Variants in PTPRD observed in about 807,000 individuals in gnomAD.
The protein encoded by PTPRD is protein tyrosine phosphatase receptor type D, also known as receptor-type tyrosine-protein phosphatase delta.
PTPRD carries 34 observed loss-of-function variants against 214.5 expected under a neutral mutation model. That is an observed-to-expected ratio of 0.16 (90% CI 0.12 to 0.21). PTPRD has a LOEUF of 0.21. Ranked by LOEUF, PTPRD falls within the 10% of genes least tolerant of loss-of-function variation. The pLI is 1.00. For missense variants in PTPRD, 2,545 were observed against 2,398.7 expected (o/e 1.06, Z -1.27); for synonymous variants, 1,128 against 845.7 (o/e 1.33, Z -5.79).
intron 4 of PTPRD, among the ~76,000 whole-genome samples, chr9:9,973,301 C>CCAA (rs887807297): frequency 2.4e-3 from 178 of 74,208 alleles, no homozygotes; most frequent in African/African-American, 6.4e-3. Context: ...CCTTGTCTTT[C>CCAA]AAAAAAAAAA....
intron 2 of PTPRD, among the ~76,000 whole-genome samples, chr9:10,548,790 T>C (rs985258417): frequency 1.3e-5 from 2 of 152,152 alleles, no homozygotes; most frequent in Non-Finnish European, 2.9e-5. Flanking sequence ...GAACTGCCAA[T>C]GTCACAGACA....
At chr9:8,953,259 C>T in intron 11 of PTPRD, among the ~76,000 whole-genome samples, 1 of 151,634 alleles carries the variant, frequency 6.6e-6, no homozygotes, top group Non-Finnish European at 1.5e-5. Flanking sequence ...ATGAGAAATG[C>T]CCAGATAGAT....
rs142015091 is a variant in PTPRD at position 10,530,738 on chromosome 9, T to C, written c.-600+81660A>G. On this transcript the variant is annotated intron_variant, in intron 2 of 45. Coordinates refer to ENST00000381196, the MANE Select transcript of PTPRD (RefSeq NM_002839.4). ...GAAATCTGACAATCAAAATAAATAATGATGACAGTGAACTATAATGTATTG... is the reference window on the plus strand; with the variant it reads ...GAAATCTGACAATCAAAATAAATAACGATGACAGTGAACTATAATGTATTG... Among the ~76,000 whole-genome samples, 281 of 152,208 alleles carry C rather than the reference T, an allele frequency of 1.8e-3. 1 individual carries two copies. Among genetic ancestry groups the C allele is most frequent in the African/African-American group, 6.4e-3 (266 of 41,558 alleles).
chr9:9,157,150 A>G (rs1569555805), intron 10 of PTPRD, among the ~76,000 whole-genome samples: 1 of 152,230 alleles, frequency 6.6e-6, no homozygotes, highest in East Asian at 1.9e-4. Flanking sequence ...ACAGAAATTT[A>G]TAGCAATAAA....
chr9:10,425,025 A>G (rs1374808947), intron 2 of PTPRD, among the ~76,000 whole-genome samples: 1 of 152,054 alleles, frequency 6.6e-6, no homozygotes, highest in Non-Finnish European at 1.5e-5. Flanking sequence ...TAATGAAAAT[A>G]GAGTACCTAT....
chr9:8,517,986 G>C lies in PTPRD; in HGVS notation c.1405C>G (p.His469Asp). The C allele has an allele frequency of 6.2e-7, 1 of 1,614,186 alleles. No individual in the cohort carries two copies. The highest frequency in any genetic ancestry group is 8.5e-7 in the Non-Finnish European group (1 of 1,180,010). The change falls in exon 21 of 46, where the codon CAC (histidine) becomes GAC (aspartate). Residue 469 changes from histidine (H) to aspartate (D), a missense_variant. Transcript: ENST00000381196. Reference sequence around the variant, plus strand: ...GTGATTTGGCTGTCAGCTACATTGTGTTTCATCCAGTTGTTGACATGTTGA... The same window carrying C: ...GTGATTTGGCTGTCAGCTACATTGTCTTTCATCCAGTTGTTGACATGTTGA... ...PTQHVNNWMK[H>D]NVADSQITTI... is the part of the protein sequence containing the mutation.
chr9:9,943,797 C>A (rs2092078676), intron 4 of PTPRD, among the ~76,000 whole-genome samples: 1 of 152,086 alleles, frequency 6.6e-6, no homozygotes, highest in Non-Finnish European at 1.5e-5. Context: ...CAGTAGACAA[C>A]TGAAAAATCC....
intron 7 of PTPRD, among the ~76,000 whole-genome samples, chr9:9,608,462 A>G (rs2094321906): frequency 6.6e-6 from 1 of 152,164 alleles, no homozygotes; most frequent in African/African-American, 2.4e-5. Context: ...CAGGTAAAAC[A>G]TTATTTCTCT....
At chr9:8,882,185 G>C (rs1017051403) in intron 11 of PTPRD, among the ~76,000 whole-genome samples, 1 of 152,090 alleles carries the variant, frequency 6.6e-6, no homozygotes, top group African/African-American at 2.4e-5. Flanking sequence ...AAGAAATACT[G>C]TCGACTCATT....
chr9:9,832,493 T>C (rs1449983535), intron 5 of PTPRD, among the ~76,000 whole-genome samples: 2 of 151,996 alleles, frequency 1.3e-5, no homozygotes, highest in Non-Finnish European at 2.9e-5. Context: ...TTCAGGTACA[T>C]AGCATGCCTA....
chr9:10,296,790 A>C (rs1248491651), intron 3 of PTPRD, among the ~76,000 whole-genome samples: 1 of 152,066 alleles, frequency 6.6e-6, no homozygotes, highest in Non-Finnish European at 1.5e-5. Flanking sequence ...CATGGTTTTC[A>C]CTGTCATTGC....
chr9:10,538,541 G>C (rs568534030), intron 2 of PTPRD, among the ~76,000 whole-genome samples: 2 of 152,120 alleles, frequency 1.3e-5, no homozygotes, highest in East Asian at 3.9e-4. Context: ...TCTTTATGAT[G>C]ATTCCCATGC....
intron 3 of PTPRD, among the ~76,000 whole-genome samples, chr9:10,283,185 T>G (rs993685785): frequency 6.6e-6 from 1 of 151,938 alleles, no homozygotes; most frequent in African/African-American, 2.4e-5. Flanking sequence ...ATATTTTACA[T>G]TTAAAATTAT....
intron 5 of PTPRD, among the ~76,000 whole-genome samples, chr9:9,863,970 T>C (rs951573461): frequency 6.6e-6 from 1 of 152,212 alleles, no homozygotes; most frequent in Non-Finnish European, 1.5e-5. Context: ...TATTACTTGC[T>C]AGAAATATCC....
intron 3 of PTPRD, among the ~76,000 whole-genome samples, chr9:10,297,121 A>AT (rs1475416397): frequency 2.7e-5 from 4 of 146,960 alleles, no homozygotes; most frequent in African/African-American, 9.9e-5. Flanking sequence ...ATATATATAT[A>AT]AAATATATAT....
At chr9:9,646,975 T>C (rs746010668) in intron 7 of PTPRD, among the ~76,000 whole-genome samples, 5 of 152,310 alleles carry the variant, frequency 3.3e-5, no homozygotes, top group Admixed American at 6.5e-5. Flanking sequence ...GGGGCTCATA[T>C]AGAGTATATA....
intron 7 of PTPRD, among the ~76,000 whole-genome samples, chr9:9,648,638 A>G (rs1416961344): frequency 6.6e-6 from 1 of 152,188 alleles, no homozygotes; most frequent in Non-Finnish European, 1.5e-5. Context: ...GAGAGACTAC[A>G]CTAAGGAGTT....
At chr9:9,808,575 C>G (rs1056171510) in intron 5 of PTPRD, among the ~76,000 whole-genome samples, 1 of 152,082 alleles carries the variant, frequency 6.6e-6, no homozygotes, top group Admixed American at 6.6e-5. Flanking sequence ...ATAAGACCAT[C>G]GTTGTTTACA....
At chr9:8,833,760 A>ATT (rs1243916972) in intron 11 of PTPRD, among the ~76,000 whole-genome samples, 1 of 144,840 alleles carries the variant, frequency 6.9e-6, no homozygotes, top group East Asian at 2.0e-4. Flanking sequence ...TTCTATATAT[A>ATT]TTATATATAT....
Sources: gnomAD v4.1 joint callset for allele counts (sites outside exome capture counted in the v4.1 genomes callset) on GRCh38, gnomAD v4.1.1 for gene constraint, MANE v1.5 for transcripts, NCBI Gene and HGNC (gene_info 2026-07-23, HGNC 2026-07-21) for gene names.